The following PTPRK variants were observed in gnomAD, a reference collection of about 807,000 sequenced individuals.
The protein encoded by PTPRK is protein tyrosine phosphatase receptor type K, also known as receptor-type tyrosine-protein phosphatase kappa.
In PTPRK, 75 loss-of-function variants were observed where a neutral mutation model predicts 178.0. That is an observed-to-expected ratio of 0.42 (90% CI 0.35 to 0.51). The LOEUF (loss-of-function observed/expected upper bound fraction) is 0.51. Ranked by LOEUF, PTPRK falls within the 20% of genes least tolerant of loss-of-function variation. The pLI, the probability that PTPRK is intolerant of heterozygous loss-of-function variation, is 0.02. For synonymous variants in PTPRK, 637 were observed against 620.6 expected (o/e 1.03, Z -0.39); for missense variants, 1,441 against 1,797.8 (o/e 0.80, Z 3.59).
intron 1 of PTPRK, among the ~76,000 whole-genome samples, chr6:128,495,726 G>A (rs1854557115): frequency 6.6e-6 from 1 of 152,154 alleles, no homozygotes; most frequent in African/African-American, 2.4e-5. Context: ...ATTTGATCAT[G>A]TCTTTTCCTT....
intron 7 of PTPRK, among the ~76,000 whole-genome samples, chr6:128,136,062 C>G (rs1794973887): frequency 6.6e-6 from 1 of 152,080 alleles, no homozygotes; most frequent in South Asian, 2.1e-4. Flanking sequence ...ATTCCAGTAT[C>G]TCTGGTGTCC....
At chr6:128,000,018 C>T (rs1217863357) in intron 15 of PTPRK, 9 of 945,680 alleles carry the variant, frequency 9.5e-6, no homozygotes, top group East Asian at 1.2e-4. Context: ...CTTTAATGAC[C>T]GAAGTACTAA....
In PTPRK at chr6:128,448,632, C is replaced by G. The variant is rs149925937; in HGVS notation, c.101-50944G>C. Among the ~76,000 whole-genome samples, 259 of 152,238 alleles carry G rather than the reference C, an allele frequency of 1.7e-3. 1 individual carries two copies. Among genetic ancestry groups the G allele is most frequent in the African/African-American group, 6.0e-3 (251 of 41,552 alleles). On this transcript the variant is annotated intron_variant, in intron 1 of 29. Coordinates refer to ENST00000368226, the MANE Select transcript of PTPRK (RefSeq NM_002844.4). ...ATGCTAGCTCCTTACCAACAAAAATCAAAGATTTTCTAATCTGTTTGGGAT... is the reference window on the plus strand; with the variant it reads ...ATGCTAGCTCCTTACCAACAAAAATGAAAGATTTTCTAATCTGTTTGGGAT...
At chr6:128,188,755 G>A (rs1803201786) in intron 6 of PTPRK, among the ~76,000 whole-genome samples, 1 of 152,146 alleles carries the variant, frequency 6.6e-6, no homozygotes, top group African/African-American at 2.4e-5. Flanking sequence ...GGCTCTAGGA[G>A]AAAATCAGTT....
chr6:128,323,895 T>G (rs1397418443), intron 2 of PTPRK, among the ~76,000 whole-genome samples: 5 of 152,074 alleles, frequency 3.3e-5, no homozygotes, highest in Non-Finnish European at 5.9e-5. Context: ...GAATAAACTG[T>G]CCGTGTGTAT....
chr6:128,300,954 T>G (rs962006682), intron 3 of PTPRK, among the ~76,000 whole-genome samples: 1 of 152,032 alleles, frequency 6.6e-6, no homozygotes, highest in Non-Finnish European at 1.5e-5. Context: ...CTATCTTCTT[T>G]CCCATAACTG....
chr6:128,253,220 G>A (rs1394398195), intron 3 of PTPRK, among the ~76,000 whole-genome samples: 2 of 152,160 alleles, frequency 1.3e-5, no homozygotes, highest in Non-Finnish European at 2.9e-5. Flanking sequence ...AGCAAAAAGA[G>A]AGGAAAAACC....
At chr6:128,498,305 A>G (rs1378105707) in intron 1 of PTPRK, among the ~76,000 whole-genome samples, 1 of 152,206 alleles carries the variant, frequency 6.6e-6, no homozygotes, top group Non-Finnish European at 1.5e-5. Context: ...TGCAGCCCAG[A>G]GAATCTACAT....
chr6:128,249,309 A>C (rs900346724), intron 3 of PTPRK, among the ~76,000 whole-genome samples: 15 of 150,642 alleles, frequency 1.0e-4, no homozygotes, highest in African/African-American at 3.0e-4. Flanking sequence ...AAAAAAAAAA[A>C]AAAACAGTAT....
intron 2 of PTPRK, among the ~76,000 whole-genome samples, chr6:128,341,532 TTTTAA>T (rs1831658974): frequency 6.6e-6 from 1 of 152,186 alleles, no homozygotes; most frequent in Non-Finnish European, 1.5e-5. Flanking sequence ...AAATCCATAA[TTTTAA>T]TTTTTCTGAA....
intron 13 of PTPRK, among the ~76,000 whole-genome samples, chr6:128,047,698 T>C (rs559978482): frequency 6.6e-6 from 1 of 152,318 alleles, no homozygotes; most frequent in South Asian, 2.1e-4. Context: ...ATTTGTGAAA[T>C]ACCTGAACCT....
chr6:128,018,447 C>A (rs1779857138), intron 13 of PTPRK, among the ~76,000 whole-genome samples: 1 of 151,800 alleles, frequency 6.6e-6, no homozygotes, highest in Admixed American at 6.6e-5. Flanking sequence ...AGAGCTTCAA[C>A]ATCTCTGGAA....
intron 7 of PTPRK, among the ~76,000 whole-genome samples, chr6:128,179,080 T>C (rs915008267): frequency 6.6e-6 from 1 of 151,964 alleles, no homozygotes; most frequent in African/African-American, 2.4e-5. Flanking sequence ...CCTGAACCCA[T>C]CTATTTTCAG....
At chr6:128,045,500 G>T (rs1322357191) in intron 13 of PTPRK, among the ~76,000 whole-genome samples, 1 of 152,026 alleles carries the variant, frequency 6.6e-6, no homozygotes, top group East Asian at 1.9e-4. Flanking sequence ...GGTATGTGGG[G>T]ACAGGAGCAA....
chr6:128,449,911 C>T (rs147739633), intron 1 of PTPRK, among the ~76,000 whole-genome samples: 1,725 of 144,634 alleles, frequency 0.012, 37 homozygotes, highest in African/African-American at 0.042. Flanking sequence ...GCCTGGCCAA[C>T]GTGGTGAAGC....
intron 2 of PTPRK, among the ~76,000 whole-genome samples, chr6:128,361,682 A>G (rs1332815394): frequency 6.6e-6 from 1 of 152,176 alleles, no homozygotes; most frequent in Non-Finnish European, 1.5e-5. Flanking sequence ...AGGCAGCTGC[A>G]TCACAATGGT....
Position 127,973,003 on chromosome 6 carries a change from C to G in PTPRK, c.4269+19G>C. ...CTAATCTCTAAGATGCCTTCCAAAT[C>G]TAAGATTCTGTGACTCACCGGGGCT... On this transcript the variant is annotated intron_variant, in intron 29 of 29. Coordinates refer to ENST00000368226, the MANE Select transcript of PTPRK (RefSeq NM_002844.4). 1.9e-6 allele frequency: 3 copies of G among 1,612,926 alleles called. No individual in the cohort carries two copies. The highest frequency in any genetic ancestry group is 2.5e-6 in the Non-Finnish European group (3 of 1,179,010).
chr6:128,118,553 T>C (rs951399762), intron 7 of PTPRK, among the ~76,000 whole-genome samples: 5 of 152,216 alleles, frequency 3.3e-5, no homozygotes, highest in African/African-American at 1.2e-4. Context: ...TTGGTGTTTA[T>C]AATGACCTCT....
Position 128,009,119 on chromosome 6 carries a change from T to A in PTPRK, c.2333+11A>T, listed in dbSNP as rs1369784837. Reference sequence around the variant, plus strand: ...GGTAAGTGAGTGGGACAGGACAATATTAGGCCTTACCTCTTTTTTACAATT... The same window carrying A: ...GGTAAGTGAGTGGGACAGGACAATAATAGGCCTTACCTCTTTTTTACAATT... On this transcript the variant is annotated intron_variant, in intron 14 of 29. Coordinates refer to ENST00000368226, the MANE Select transcript of PTPRK (RefSeq NM_002844.4). The A allele has an allele frequency of 6.2e-7, 1 of 1,606,596 alleles. No homozygotes were observed. The highest frequency in any genetic ancestry group is 1.3e-5 in the African/African-American group (1 of 74,352).
Sources: allele counts gnomAD v4.1 joint callset (sites outside exome capture counted in the v4.1 genomes callset), GRCh38; gene constraint gnomAD v4.1.1; transcripts MANE v1.5; gene names NCBI Gene and HGNC (gene_info 2026-07-23, HGNC 2026-07-21).